The following TMEM201 variants were observed in gnomAD, a reference collection of about 807,000 sequenced individuals.
TMEM201 encodes RP13-15M17.2.
TMEM201 carries 26 observed loss-of-function variants against 63.4 expected under a neutral mutation model. That is an observed-to-expected ratio of 0.41 (90% confidence interval 0.30 to 0.57). The LOEUF (loss-of-function observed/expected upper bound fraction) is 0.57, where lower values mean the gene tolerates loss of function less well. Ranked by LOEUF, TMEM201 falls within the 20% of genes least tolerant of loss-of-function variation. TMEM201 has a pLI of 0.29. For missense variants in TMEM201, 794 were observed against 917.7 expected, an observed-to-expected ratio of 0.87 and a Z score of 1.74; for synonymous variants, 417 against 421.6, an observed-to-expected ratio of 0.99 and a Z score of 0.14.
At position 9,588,984 on chromosome 1, in the gene TMEM201, C is replaced by T. The variant is rs1410731149; in HGVS notation, c.54C>T (p.Gly18=). ...GCTGCCCCACGGCCGGCCTGGCCGG[C>T]GGCCTGGGGGTCACGGCGTGCGCCG... ...LARCPTAGLA[G]GLGVTACAAA... is the part of the protein sequence containing the mutation. Residue 18 remains glycine, a synonymous_variant, in exon 1 of 11, where the codon GGC becomes GGT. Coordinates refer to ENST00000340381, the MANE Select transcript of TMEM201 (RefSeq NM_001130924.3). 2 of 1,234,492 alleles carry T rather than the reference C, an allele frequency of 1.6e-6. No individual in the cohort carries two copies. Among genetic ancestry groups the T allele is most frequent in the Non-Finnish European group, 2.1e-6 (2 of 973,040 alleles). 76.5% of individuals were successfully genotyped at this position (1,234,492 alleles called of 1,614,324 possible).
In TMEM201 at chr1:9,614,027, G is replaced by A. The variant is rs2100536639; in HGVS notation, c.*944G>A. 1 of 152,408 alleles carries A rather than the reference G, an allele frequency of 6.6e-6. No homozygotes were observed. Among genetic ancestry groups the A allele is most frequent in the African/African-American group, 2.4e-5 (1 of 41,566 alleles). 9.4% of individuals were successfully genotyped at this position (152,408 alleles called of 1,614,324 possible). A position where few individuals can be genotyped will look rare whatever the true frequency, so the allele number is the denominator to read the frequency against. ...GTTCTCTTGCCCACTCCCCTGCTGG[G>A]GCTCCTTCCTGGCACTGAGGAGGGG... On this transcript the variant is annotated 3_prime_UTR_variant, in exon 11 of 11. Transcript: ENST00000340381.
chr1:9,611,504 G>A (rs1180690110), intron 9 of TMEM201, among the ~76,000 whole-genome samples: 1 of 152,194 alleles, frequency 6.6e-6, no homozygotes, highest in Admixed American at 6.5e-5. Context: ...GGCCTCGAAT[G>A]TTTAGATTTC....
chr1:9,607,475 G>A lies in TMEM201; in HGVS notation c.1161-82G>A. 1 of 1,095,714 alleles carries A rather than the reference G, an allele frequency of 9.1e-7. No individual in the cohort carries two copies. 67.9% of individuals were successfully genotyped at this position (1,095,714 alleles called of 1,614,324 possible). ...GAGGCCCCCACCTTGCACTGTGGGA[G>A]AGGGGTGGGACCCACTGCAAGGCTG... On this transcript the variant is annotated intron_variant, in intron 6 of 10. Coordinates refer to ENST00000340381, the MANE Select transcript of TMEM201 (RefSeq NM_001130924.3). This position sits in a 1 kb window ranked among gnomAD's most constrained non-coding sequence, Gnocchi z 5.4.
At chr1:9,599,173 C>G (rs1165749457) in intron 4 of TMEM201, among the ~76,000 whole-genome samples, 2 of 152,090 alleles carry the variant, frequency 1.3e-5, no homozygotes, top group African/African-American at 4.8e-5. Context: ...CTCCTGACCT[C>G]AGGTGATCCT....
In TMEM201 at chr1:9,613,092, T is replaced by C. The variant is rs1324916321; in HGVS notation, c.*9T>C. On this transcript the variant is annotated 3_prime_UTR_variant, in exon 11 of 11. Transcript: ENST00000340381. ...ACCAGAGCCTGCGCTGACCCACCGT[T>C]GGAGCCCCTCGGAGGGGAGCAACCC... is the stretch of plus-strand genomic sequence containing the variant. 1 of 1,550,140 alleles carries C rather than the reference T, an allele frequency of 6.5e-7. No individual in the cohort carries two copies. The highest frequency in any genetic ancestry group is 2.0e-5 in the Admixed American group (1 of 51,010).
rs933736790 is a variant in TMEM201 at position 9,611,909 on chromosome 1, G to A, written c.1903+19G>A. 23 of 1,523,404 alleles carry A rather than the reference G, an allele frequency of 1.5e-5. No individual in the cohort carries two copies. Among genetic ancestry groups the A allele is most frequent in the South Asian group, 2.5e-5 (2 of 80,890 alleles). The allele number at this position is 1,523,404 out of a possible 1,614,324, so 94.4% of individuals were successfully genotyped here. Reference sequence around the variant, plus strand: ...TGGAGAGGTCTGTACCCTGAGGTGCGGGAGGGGAGGGGGTGGGCACACATC... The same window carrying A: ...TGGAGAGGTCTGTACCCTGAGGTGCAGGAGGGGAGGGGGTGGGCACACATC... On this transcript the variant is annotated intron_variant, in intron 10 of 10. Transcript: ENST00000340381.
intron 1 of TMEM201, among the ~76,000 whole-genome samples, chr1:9,589,640 C>A (rs1349398482): frequency 6.6e-6 from 1 of 152,248 alleles, no homozygotes; most frequent in Non-Finnish European, 1.5e-5. Context: ...TCAAGACGGG[C>A]CGGGGCCACC....
rs1323520756 is a variant in TMEM201, at chr1:9,605,928, A to C, written c.1161-1629A>C. On this transcript the variant is annotated intron_variant, in intron 6 of 10. Transcript: ENST00000340381. The surrounding 1 kb of genome is among the most constrained non-coding windows in gnomAD (Gnocchi z 5.7). ...CATCCCCCAACGGTACTCTCAGGTC[A>C]CTGGGGGACCTGGTCACCCTTGGCT... Among the ~76,000 whole-genome samples, 1 of 152,144 alleles carries C rather than the reference A, an allele frequency of 6.6e-6. No homozygotes were observed. Among genetic ancestry groups the C allele is most frequent in the East Asian group, 1.9e-4 (1 of 5,186 alleles).
chr1:9,600,282 G>T (rs1007960193), intron 4 of TMEM201, among the ~76,000 whole-genome samples: 1 of 152,158 alleles, frequency 6.6e-6, no homozygotes, highest in Admixed American at 6.5e-5. Context: ...TAGCCAGATG[G>T]TCTTGGGCTC....
Position 9,604,872 on chromosome 1 carries a change from T to C in TMEM201, c.1160+2600T>C. 1.0e-6 allele frequency: 1 copy of C among 985,974 alleles called. No individual in the cohort carries two copies. Among genetic ancestry groups the C allele is most frequent in the Non-Finnish European group, 1.2e-6 (1 of 829,988 alleles). The allele number at this position is 985,974 out of a possible 1,614,324, so 61.1% of individuals were successfully genotyped here. On this transcript the variant is annotated intron_variant, in intron 6 of 10. Coordinates refer to ENST00000340381, the MANE Select transcript of TMEM201 (RefSeq NM_001130924.3). This position sits in a 1 kb window ranked among gnomAD's most constrained non-coding sequence, Gnocchi z 4.1. The stretch of plus-strand genomic sequence containing the variant: ...AATTGTCTAGTGACCCTCTCATCAC[T>C]GTAACCATCGCGCCTGGCCTAGATG...
chr1:9,598,429 CT>C lies in TMEM201; in HGVS notation c.430-19del. ...TCATCCACCCCTGCAGATGCCGAGCCTGTTCCCCCAACCCCACAGGGCAGGT... is the reference window on the plus strand; with the variant it reads ...TCATCCACCCCTGCAGATGCCGAGCCGTTCCCCCAACCCCACAGGGCAGGT... On this transcript the variant is annotated intron_variant, in intron 3 of 10. Coordinates refer to ENST00000340381, the MANE Select transcript of TMEM201 (RefSeq NM_001130924.3). 1 of 1,601,748 alleles carries C rather than the reference CT, an allele frequency of 6.2e-7. No individual in the cohort carries two copies. The highest frequency in any genetic ancestry group is 2.2e-5 in the East Asian group (1 of 44,510).
rs1186693355 is a variant in TMEM201, at chr1:9,588,971, CCGGCCTGGCCGG to C, written c.50_61del (p.Ala17_Leu20del). The C allele has an allele frequency of 2.2e-5, 27 of 1,246,684 alleles. No homozygotes were observed. Among genetic ancestry groups the C allele is most frequent in the Middle Eastern group, 3.3e-4 (1 of 3,066 alleles). 77.2% of individuals were successfully genotyped at this position (1,246,684 alleles called of 1,614,324 possible). A position where few individuals can be genotyped will look rare whatever the true frequency, so the allele number is the denominator to read the frequency against. On this transcript the variant is annotated inframe_deletion, in exon 1 of 11. Coordinates refer to ENST00000340381, the MANE Select transcript of TMEM201 (RefSeq NM_001130924.3). ...GCGCTGCTGGCCCGCTGCCCCACGG[CCGGCCTGGCCGG>C]CGGCCTGGGGGTCACGGCGTGCGCC...
chr1:9,611,194 A>C, intron 9 of TMEM201: 2 of 477,130 alleles, frequency 4.2e-6, no homozygotes, highest in East Asian at 8.4e-5. Flanking sequence ...GAATTTGTAG[A>C]TTTCCTTTTT....
chr1:9,601,684 T>C (rs1644146092), intron 5 of TMEM201, among the ~76,000 whole-genome samples: 1 of 152,080 alleles, frequency 6.6e-6, no homozygotes, highest in Admixed American at 6.5e-5. Context: ...CCGGGTTGCC[T>C]CCTCTCTCCT....
intron 1 of TMEM201, among the ~76,000 whole-genome samples, chr1:9,595,555 A>T (rs9430180): frequency 0.83 from 125,811 of 152,034 alleles, 52,183 homozygotes; most frequent in Admixed American, 0.87. Flanking sequence ...CACCAGGAGC[A>T]GGTGGCCCTG....
At chr1:9,593,275 G>A (rs993237623) in intron 1 of TMEM201, among the ~76,000 whole-genome samples, 2 of 152,230 alleles carry the variant, frequency 1.3e-5, no homozygotes, top group African/African-American at 4.8e-5. Context: ...TCATGTGTCT[G>A]ACGCCGCCGT....
rs750759523 is a variant in TMEM201, at chr1:9,596,855, G to A, written c.235-4G>A. 1.1e-5 allele frequency: 18 copies of A among 1,579,546 alleles called. No homozygotes were observed. Among genetic ancestry groups the A allele is most frequent in the Middle Eastern group, 1.7e-4 (1 of 5,980 alleles). On this transcript the variant is annotated splice_region_variant and splice_polypyrimidine_tract_variant and intron_variant, in intron 2 of 10. Coordinates refer to ENST00000340381, the MANE Select transcript of TMEM201 (RefSeq NM_001130924.3). ...CTGCCTCGAGTCCCACCTCTCTCCC[G>A]CAGAACGGCGACTACAACAAGCCGA...
intron 1 of TMEM201, among the ~76,000 whole-genome samples, chr1:9,592,896 GT>G (rs1426221496): frequency 6.6e-6 from 1 of 152,202 alleles, no homozygotes; most frequent in Non-Finnish European, 1.5e-5. Flanking sequence ...GCCAGCTGCT[GT>G]CCCCCCAGAG....
At position 9,607,536 on chromosome 1, in the gene TMEM201, G is replaced by A. The variant is rs377382221; in HGVS notation, c.1161-21G>A. The A allele has an allele frequency of 6.4e-5, 98 of 1,531,576 alleles. No individual in the cohort carries two copies. The highest frequency in any genetic ancestry group is 8.0e-5 in the Admixed American group (4 of 50,168). The allele number at this position is 1,531,576 out of a possible 1,614,324, so 94.9% of individuals were successfully genotyped here. ...CTCCCGCTGACCCTCTTCTTGTCCC[G>A]TGCCTGACGGGCCCTTGCAGGTTCT... On this transcript the variant is annotated intron_variant, in intron 6 of 10. Coordinates refer to ENST00000340381, the MANE Select transcript of TMEM201 (RefSeq NM_001130924.3). This position sits in a 1 kb window ranked among gnomAD's most constrained non-coding sequence, Gnocchi z 5.4.
Sources: gnomAD v4.1 joint callset for allele counts (sites outside exome capture counted in the v4.1 genomes callset) on GRCh38, gnomAD v4.1.1 for gene constraint, Gnocchi (gnomAD v3.1) non-coding constraint, MANE v1.5 for transcripts, NCBI Gene and HGNC (gene_info 2026-07-23, HGNC 2026-07-21) for gene names.